CDRT4: variants seen among roughly 807,000 people sequenced by gnomAD.
CDRT4 encodes CMT1A duplicated region transcript 4, also known as CMT1A duplicated region transcript 4 protein.
For missense variants in CDRT4, 167 were observed against 193.1 expected (o/e 0.87, Z 0.80); for synonymous variants, 64 against 69.6 (o/e 0.92, Z 0.40).
intron 3 of CDRT4, 119 bp from the exon 4 acceptor site, chr17:15,438,319 G>A (rs1323473000): frequency 1.2e-5 from 10 of 841,990 alleles, no homozygotes; most frequent in African/African-American, 3.4e-5. Flanking sequence ...TGCACCCCTT[G>A]TATTCAGTAG....
intron 2 of CDRT4, 125 bp from the exon 3 acceptor site, chr17:15,440,410 C>A (rs1978704701): frequency 4.6e-6 from 5 of 1,079,662 alleles, no homozygotes; most frequent in Non-Finnish European, 5.3e-6. Flanking sequence ...ACTCCACCCC[C>A]TGAGAAGAGG....
In CDRT4 at chr17:15,466,320, A is replaced by G. The variant is rs542095252; in HGVS notation, c.-130+1140T>C. Among the ~76,000 whole-genome samples, 213 of 152,058 alleles carry G rather than the reference A, an allele frequency of 1.4e-3. 1 individual carries two copies. Among genetic ancestry groups the G allele is most frequent in the African/African-American group, 4.7e-3 (195 of 41,510 alleles). On this transcript the variant is annotated intron_variant, in intron 1 of 3. Transcript: ENST00000619038. The stretch of plus-strand genomic sequence containing the variant: ...GCTTCGGGCTCAGGCCTCCAGAAAC[A>G]CTGCCTGGGGTGGGAGCCTGGGCGC...
intron 3 of CDRT4, among the ~76,000 whole-genome samples, chr17:15,439,731 C>T (rs926936518): frequency 2.0e-5 from 3 of 152,154 alleles, no homozygotes; most frequent in African/African-American, 7.2e-5. Flanking sequence ...AAATGTGGCA[C>T]ATACACACCA....
chr17:15,461,233 C>T (rs1979734228), intron 1 of CDRT4, among the ~76,000 whole-genome samples: 1 of 152,216 alleles, frequency 6.6e-6, no homozygotes, highest in African/African-American at 2.4e-5. Flanking sequence ...TCTTTTCTGT[C>T]ATGTATATCC....
At chr17:15,458,894 G>A (rs754991136) in intron 1 of CDRT4, among the ~76,000 whole-genome samples, 2 of 152,140 alleles carry the variant, frequency 1.3e-5, no homozygotes, top group South Asian at 4.2e-4. Flanking sequence ...TTAGCCTACT[G>A]AACTAGAAGC....
intron 1 of CDRT4, among the ~76,000 whole-genome samples, chr17:15,463,019 G>A (rs1979827384): frequency 6.6e-6 from 1 of 152,086 alleles, no homozygotes; most frequent in African/African-American, 2.4e-5. Context: ...AGATGGGGGT[G>A]GGAGGAGGTG....
intron 2 of CDRT4, among the ~76,000 whole-genome samples, chr17:15,444,374 A>G (rs960824731): frequency 1.3e-5 from 2 of 152,176 alleles, no homozygotes; most frequent in Non-Finnish European, 2.9e-5. Flanking sequence ...GGGATCTTGG[A>G]AAAATACAAA....
chr17:15,466,921 C>G (rs541140765), intron 1 of CDRT4, among the ~76,000 whole-genome samples: 36 of 152,108 alleles, frequency 2.4e-4, no homozygotes, highest in Admixed American at 9.2e-4. Flanking sequence ...ACCTTTGTCC[C>G]TATAGGTTTC....
Position 15,438,085 on chromosome 17 carries a change from A to G in CDRT4, c.147T>C (p.Thr49=), listed in dbSNP as rs1277317003. The change falls in exon 4 of 4, where the codon ACT becomes ACC. Residue 49 remains threonine (T), a synonymous_variant. Transcript: ENST00000619038. ...GGGCACGCATGCATTCCAGTTCTCT[A>G]GTTTTGCTTTTCTCAATGAGTCTTT... ...TVKRLIEKSK[T]RELECMRALE... 6.2e-7 allele frequency: 1 copy of G among 1,613,940 alleles called. No homozygotes were observed. The highest frequency in any genetic ancestry group is 1.1e-5 in the South Asian group (1 of 91,066).
At position 15,436,354 on chromosome 17, in the gene CDRT4, G is replaced by A. The variant is rs1978485428; in HGVS notation, c.*1419C>T. 1 of 152,228 alleles carries A rather than the reference G, an allele frequency of 6.6e-6. No homozygotes were observed. Among genetic ancestry groups the A allele is most frequent in the South Asian group, 2.1e-4 (1 of 4,836 alleles). 9.4% of individuals were successfully genotyped at this position (152,228 alleles called of 1,614,324 possible). ...TACATCTCATCCTCTACATCTCTGTGAGGGATGATGGATTAGTATTAACTG... is the reference window on the plus strand; with the variant it reads ...TACATCTCATCCTCTACATCTCTGTAAGGGATGATGGATTAGTATTAACTG... On this transcript the variant is annotated 3_prime_UTR_variant, in exon 4 of 4. Coordinates refer to ENST00000619038, the MANE Select transcript of CDRT4 (RefSeq NM_001204477.2).
At chr17:15,461,451 C>T (rs180984026) in intron 1 of CDRT4, among the ~76,000 whole-genome samples, 1 of 152,334 alleles carries the variant, frequency 6.6e-6, no homozygotes, top group East Asian at 1.9e-4. Context: ...TTTATTTCAA[C>T]ATTTATTCTG....
chr17:15,444,774 C>T (rs987519875), intron 2 of CDRT4, among the ~76,000 whole-genome samples: 1 of 148,198 alleles, frequency 6.7e-6, no homozygotes, highest in Non-Finnish European at 1.5e-5. Context: ...AGTCCCTTTC[C>T]AGTCCTAAGA....
At chr17:15,466,605 G>C (rs765104220) in intron 1 of CDRT4, among the ~76,000 whole-genome samples, 7 of 152,098 alleles carry the variant, frequency 4.6e-5, no homozygotes, top group Non-Finnish European at 1.0e-4. Flanking sequence ...GCTCACTGCA[G>C]CCTCAAACTC....
At chr17:15,458,330 T>G (rs1261448244) in intron 1 of CDRT4, among the ~76,000 whole-genome samples, 1 of 152,200 alleles carries the variant, frequency 6.6e-6, no homozygotes, top group African/African-American at 2.4e-5. Flanking sequence ...TGTGTCCCTC[T>G]GCCTAAAATT....
intron 3 of CDRT4, among the ~76,000 whole-genome samples, chr17:15,438,519 G>T (rs896903301): frequency 2.6e-5 from 4 of 152,130 alleles, no homozygotes; most frequent in Non-Finnish European, 5.9e-5. Flanking sequence ...GTTAGTCTAA[G>T]GCCTGAGAAC....
At chr17:15,448,819 C>T (rs1567611040) in intron 2 of CDRT4, among the ~76,000 whole-genome samples, 1 of 152,312 alleles carries the variant, frequency 6.6e-6, no homozygotes, top group South Asian at 2.1e-4. Flanking sequence ...CAGTCCCTGA[C>T]AACTTGAGCC....
intron 3 of CDRT4, among the ~76,000 whole-genome samples, chr17:15,439,737 C>T (rs986523217): frequency 6.6e-6 from 1 of 152,190 alleles, no homozygotes; most frequent in African/African-American, 2.4e-5. Flanking sequence ...GGCACATACA[C>T]ACCATGGAAT....
intron 2 of CDRT4, among the ~76,000 whole-genome samples, chr17:15,440,661 A>C (rs957140190): frequency 6.6e-6 from 1 of 152,202 alleles, no homozygotes; most frequent in Middle Eastern, 3.2e-3. Context: ...CCAGAGTCCA[A>C]GAGTGGTCAC....
chr17:15,444,712 C>T (rs576866787), intron 2 of CDRT4, among the ~76,000 whole-genome samples: 5 of 117,858 alleles, frequency 4.2e-5, no homozygotes, highest in East Asian at 4.3e-4. Context: ...ATTAGCCAAG[C>T]GCAGAGAGAG....
Sources: allele counts gnomAD v4.1 joint callset (sites outside exome capture counted in the v4.1 genomes callset), GRCh38; gene constraint gnomAD v4.1.1; transcripts MANE v1.5; gene names NCBI Gene and HGNC (gene_info 2026-07-23, HGNC 2026-07-21).